Variants in PTPRM observed in about 807,000 individuals in gnomAD.
The protein encoded by PTPRM is protein tyrosine phosphatase receptor type M.
In PTPRM, 47 loss-of-function variants were observed where a neutral mutation model predicts 186.7. That is an observed-to-expected ratio of 0.25 (90% CI 0.20 to 0.32). The LOEUF is 0.32. PTPRM is among the 10% of genes least tolerant of loss of function. The probability of loss-of-function intolerance (pLI) is 1.00; values close to 1 mark genes in which losing one functional copy is unlikely to be tolerated. For synonymous variants in PTPRM, 668 were observed against 674.9 expected (o/e 0.99, Z 0.16); for missense variants, 1,494 against 1,865.0 (o/e 0.80, Z 3.66).
intron 12 of PTPRM, 50 bp downstream of exon 12, chr18:8,113,809 T>G: frequency 6.7e-7 from 1 of 1,489,132 alleles, no homozygotes; most frequent in Middle Eastern, 1.8e-4. Context: ...GTTGTTAATG[T>G]GAACATAGAT....
chr18:7,660,192 C>T (rs1033337209), intron 1 of PTPRM, among the ~76,000 whole-genome samples: 11 of 152,082 alleles, frequency 7.2e-5, no homozygotes, highest in African/African-American at 2.4e-4. Context: ...AAAAAATCAG[C>T]TGGCATGGTG....
At chr18:7,772,097 C>A (rs1036720581) in intron 1 of PTPRM, among the ~76,000 whole-genome samples, 4 of 152,112 alleles carry the variant, frequency 2.6e-5, no homozygotes, top group African/African-American at 9.7e-5. Flanking sequence ...TAAACAGCTG[C>A]CAGGATGGTT....
intron 7 of PTPRM, among the ~76,000 whole-genome samples, chr18:7,988,237 CA>C: frequency 6.6e-6 from 1 of 151,852 alleles, no homozygotes; most frequent in South Asian, 2.1e-4. Flanking sequence ...AAAAACCAAA[CA>C]AACAAAAAAG....
chr18:7,936,021 C>T (rs1470035918), intron 5 of PTPRM, among the ~76,000 whole-genome samples: 1 of 152,214 alleles, frequency 6.6e-6, no homozygotes, highest in Non-Finnish European at 1.5e-5. Context: ...TTCACTTGCT[C>T]TTCTTGCTTC....
At chr18:8,072,673 T>C (rs912177908) in intron 8 of PTPRM, among the ~76,000 whole-genome samples, 4 of 152,120 alleles carry the variant, frequency 2.6e-5, no homozygotes, top group African/African-American at 9.7e-5. Context: ...TATTATAGTA[T>C]AATACTTTTA....
At chr18:7,695,883 A>G (rs1178178391) in intron 1 of PTPRM, among the ~76,000 whole-genome samples, 2 of 152,236 alleles carry the variant, frequency 1.3e-5, no homozygotes, top group Non-Finnish European at 2.9e-5. Context: ...TTAAAGATAA[A>G]TGGGCTAAAA....
At position 8,297,460 on chromosome 18, in the gene PTPRM, A is replaced by T. The variant is rs936575800; in HGVS notation, c.2842+1005A>T. ...AGTGCTGCCCACAGAATTTCCTGTG[A>T]CTGCAGAAATGTTTCGTGTCTATGC... On this transcript the variant is annotated intron_variant, in intron 20 of 32. Coordinates refer to ENST00000580170, the MANE Select transcript of PTPRM (RefSeq NM_001105244.2). 3.3e-5 allele frequency among the ~76,000 whole-genome samples: 5 copies of T among 152,030 alleles called. No homozygotes were observed. In the South Asian group the frequency reaches 8.3e-4, roughly 25 times the overall value.
intron 14 of PTPRM, among the ~76,000 whole-genome samples, chr18:8,151,494 A>G (rs1367554471): frequency 7.7e-5 from 1 of 13,058 alleles, no homozygotes; most frequent in African/African-American, 2.8e-4. Flanking sequence ...GCCCCCCACC[A>G]AGCTGGGGCA....
chr18:7,599,471 C>T (rs898343013), intron 1 of PTPRM, among the ~76,000 whole-genome samples: 2 of 152,182 alleles, frequency 1.3e-5, no homozygotes, highest in South Asian at 4.1e-4. Context: ...ATTCCACTAT[C>T]CCAGCTTTTG....
At chr18:7,722,664 T>C (rs55944409) in intron 1 of PTPRM, among the ~76,000 whole-genome samples, 96,440 of 151,442 alleles carry the variant, frequency 0.64, 32,574 homozygotes, top group East Asian at 0.99. Context: ...AGTTTTTATG[T>C]ATGAAGAAAA....
chr18:7,973,207 A>G (rs562163390), intron 7 of PTPRM, among the ~76,000 whole-genome samples: 193 of 152,224 alleles, frequency 1.3e-3, no homozygotes, highest in African/African-American at 4.4e-3. Flanking sequence ...ATAAATATAT[A>G]TAGTATACAA....
intron 11 of PTPRM, among the ~76,000 whole-genome samples, chr18:8,100,090 C>A (rs964662010): frequency 3.9e-5 from 6 of 152,088 alleles, no homozygotes; most frequent in African/African-American, 1.2e-4. Context: ...ATGGTGAAAG[C>A]AGGAGCAAGG....
At chr18:7,990,236 C>A (rs1304393984) in intron 7 of PTPRM, among the ~76,000 whole-genome samples, 1 of 152,144 alleles carries the variant, frequency 6.6e-6, no homozygotes, top group Non-Finnish European at 1.5e-5. Flanking sequence ...TTTACTCTTT[C>A]CATCTATCCT....
intron 11 of PTPRM, among the ~76,000 whole-genome samples, chr18:8,109,115 T>C (rs145328930): frequency 6.6e-6 from 1 of 152,318 alleles, no homozygotes; most frequent in East Asian, 1.9e-4. Context: ...ATGAAACTCA[T>C]TAGTGAAGTG....
intron 1 of PTPRM, among the ~76,000 whole-genome samples, chr18:7,716,422 C>T (rs1381252209): frequency 1.3e-5 from 2 of 152,154 alleles, no homozygotes; most frequent in African/African-American, 4.8e-5. Context: ...AGGACAGAGG[C>T]ATGGGCAGAG....
At chr18:8,016,317 C>T (rs1466273775) in intron 7 of PTPRM, among the ~76,000 whole-genome samples, 5 of 151,892 alleles carry the variant, frequency 3.3e-5, no homozygotes, top group South Asian at 2.1e-4. Flanking sequence ...GTCAGGAGTT[C>T]GAGACCAGCC....
At chr18:7,766,103 A>G (rs75206936) in intron 1 of PTPRM, among the ~76,000 whole-genome samples, 495 of 152,278 alleles carry the variant, frequency 3.3e-3, no homozygotes, top group Non-Finnish European at 4.1e-3. Context: ...AGCACTGTAA[A>G]TTGTTGTTTA....
chr18:8,188,162 C>T (rs2146672209), intron 14 of PTPRM, among the ~76,000 whole-genome samples: 1 of 152,300 alleles, frequency 6.6e-6, no homozygotes, highest in East Asian at 1.9e-4. Flanking sequence ...TAGTATCTCA[C>T]TTTTAAAAGG....
At chr18:7,587,920 A>C (rs1001958689) in intron 1 of PTPRM, among the ~76,000 whole-genome samples, 3 of 152,134 alleles carry the variant, frequency 2.0e-5, no homozygotes, top group African/African-American at 7.2e-5. Flanking sequence ...GTAAGTTTTA[A>C]TTTGCATTTT....
Sources: gnomAD v4.1 joint callset for allele counts (sites outside exome capture counted in the v4.1 genomes callset) on GRCh38, gnomAD v4.1.1 for gene constraint, MANE v1.5 for transcripts, NCBI Gene and HGNC (gene_info 2026-07-23, HGNC 2026-07-21) for gene names.